The following RAC1 variants were observed in gnomAD, a reference collection of about 807,000 sequenced individuals.
RAC1 encodes the protein Rac family small GTPase 1, also known as ras-related C3 botulinum toxin substrate 1.
RAC1 carries 2 observed loss-of-function variants against 25.2 expected under a neutral mutation model. The ratio of observed to expected loss-of-function variants is 0.08; its 90% CI spans 0.03 to 0.25. The LOEUF (loss-of-function observed/expected upper bound fraction) is 0.25, where lower values mean the gene tolerates loss of function less well. Ranked by LOEUF, RAC1 falls within the 10% of genes least tolerant of loss-of-function variation. The pLI is 1.00. For missense variants in RAC1, 50 were observed against 235.7 expected (o/e 0.21, Z 5.16); for synonymous variants, 88 against 94.0 (o/e 0.94, Z 0.37).
At chr7:6,384,802 T>A (rs565043826) in intron 1 of RAC1, among the ~76,000 whole-genome samples, 6 of 152,214 alleles carry the variant, frequency 3.9e-5, no homozygotes, top group East Asian at 1.9e-4. Context: ...TTTTTTAATT[T>A]AAAAAAATTT....
At chr7:6,381,943 A>C (rs185716171) in intron 1 of RAC1, among the ~76,000 whole-genome samples, 5 of 152,272 alleles carry the variant, frequency 3.3e-5, no homozygotes, top group South Asian at 4.1e-4. Flanking sequence ...AAGTAGGAAT[A>C]TATATTTGAC....
chr7:6,400,222 T>C (rs761439799), intron 4 of RAC1, 34 bp downstream of exon 4: 14 of 1,522,300 alleles, frequency 9.2e-6, no homozygotes, highest in South Asian at 1.1e-5. Flanking sequence ...ATGTAAGTTA[T>C]AGAATGATCC....
chr7:6,388,874 G>A (rs1195403270), intron 2 of RAC1, among the ~76,000 whole-genome samples: 5 of 152,080 alleles, frequency 3.3e-5, no homozygotes, highest in African/African-American at 7.2e-5. Flanking sequence ...AAGCAAAATC[G>A]TGCCAAATCA....
intron 1 of RAC1, among the ~76,000 whole-genome samples, chr7:6,383,131 A>G (rs1272580119): frequency 6.6e-6 from 1 of 152,176 alleles, no homozygotes; most frequent in Non-Finnish European, 1.5e-5. Flanking sequence ...TAAAGTTAGA[A>G]ATTCCAAAGA....
At position 6,402,536 on chromosome 7, in the gene RAC1, A is replaced by AAAAAC. The variant is rs2115220104; in HGVS notation, c.*91_*92insAAACA. 15 of 947,892 alleles carry AAAAAC rather than the reference A, an allele frequency of 1.6e-5. No individual in the cohort carries two copies. The highest frequency in any genetic ancestry group is 1.0e-4 in the East Asian group (2 of 19,624). The allele number at this position is 947,892 out of a possible 1,614,324, so 58.7% of individuals were successfully genotyped here. On this transcript the variant is annotated 3_prime_UTR_variant, in exon 6 of 6. Coordinates refer to ENST00000348035, the MANE Select transcript of RAC1 (RefSeq NM_006908.5). ...ACAAAAAAAAAAAACAAAAAAAAAA[A>AAAAAC]ACAACGGTGGAGCCTTCGCACTCAA...
chr7:6,398,589 G>A (rs2115211779), intron 3 of RAC1: 3 of 1,300,456 alleles, frequency 2.3e-6, no homozygotes, highest in Non-Finnish European at 3.3e-6. Context: ...ATAAAGAATC[G>A]ATAAGAGGTT....
chr7:6,399,691 G>A (rs1484761429), intron 3 of RAC1: 2 of 160,476 alleles, frequency 1.2e-5, no homozygotes, highest in African/African-American at 4.8e-5. Context: ...GCTTGGTGCT[G>A]GGAGCTGTGA....
intron 3 of RAC1, among the ~76,000 whole-genome samples, chr7:6,399,650 A>G (rs1014370397): frequency 2.0e-5 from 3 of 152,192 alleles, no homozygotes; most frequent in African/African-American, 7.2e-5. Flanking sequence ...TTGTGGAGGG[A>G]AGGGCTCAAG....
rs182595197 is a variant in RAC1 at position 6,398,749 on chromosome 7, C to G, written c.226-1377C>G. On this transcript the variant is annotated intron_variant, in intron 3 of 5. Coordinates refer to ENST00000348035, the MANE Select transcript of RAC1 (RefSeq NM_006908.5). ...TAAAACTTTCAGTCCACTTCAGTTT[C>G]AAGCTTTCTCTGTTCTCTCATTTCA... is the stretch of plus-strand genomic sequence containing the variant. The G allele has an allele frequency of 2.7e-4, 427 of 1,597,764 alleles. 3 individuals are homozygous for G. The Middle Eastern group carries it at 0.011, about 40-fold the overall frequency.
chr7:6,391,897 A>C, intron 2 of RAC1, 27 bp from the exon 3 acceptor site: 1 of 1,613,930 alleles, frequency 6.2e-7, no homozygotes, highest in Non-Finnish European at 8.5e-7. Context: ...TACACCTGTG[A>C]CTAACCATTT....
chr7:6,380,500 TTCTG>T (rs1398594596), intron 1 of RAC1, among the ~76,000 whole-genome samples: 2 of 152,130 alleles, frequency 1.3e-5, no homozygotes, highest in African/African-American at 2.4e-5. Flanking sequence ...CTTTATAACT[TTCTG>T]TCTTTTTGCA....
chr7:6,376,511 T>G (rs1247689450), intron 1 of RAC1, among the ~76,000 whole-genome samples: 1 of 147,466 alleles, frequency 6.8e-6, no homozygotes, highest in East Asian at 2.0e-4. Flanking sequence ...CTTTTCTTTT[T>G]TTTTTTTTTG....
intron 4 of RAC1, 43 bp from the exon 5 acceptor site, chr7:6,401,825 G>A (rs1783411689): frequency 6.3e-7 from 1 of 1,585,104 alleles, no homozygotes; most frequent in Non-Finnish European, 8.6e-7. Context: ...AAGGACATCT[G>A]TAAAGGAGCG....
intron 2 of RAC1, 130 bp downstream of exon 2, chr7:6,387,413 T>C (rs1297259290): frequency 1.5e-6 from 1 of 679,846 alleles, no homozygotes; most frequent in Non-Finnish European, 2.5e-6. Flanking sequence ...AAACATTCAC[T>C]GAAACCTAAT....
At chr7:6,389,631 G>A (rs1021467233) in intron 2 of RAC1, among the ~76,000 whole-genome samples, 2 of 152,022 alleles carry the variant, frequency 1.3e-5, no homozygotes, top group Admixed American at 6.6e-5. Flanking sequence ...AGTGAGCCAA[G>A]ATTGTGCCTC....
At chr7:6,398,665 G>C in intron 3 of RAC1, 1 of 1,613,784 alleles carries the variant, frequency 6.2e-7, no homozygotes, top group Non-Finnish European at 8.5e-7. Context: ...TTACTAGGTT[G>C]GAGAAACGTA....
intron 1 of RAC1, among the ~76,000 whole-genome samples, chr7:6,381,390 CT>C (rs71008386): frequency 0.15 from 20,410 of 132,108 alleles, 2,145 homozygotes; most frequent in African/African-American, 0.31. Context: ...TAATTGCTGG[CT>C]TTTTTTTTTT....
chr7:6,399,844 C>T, intron 3 of RAC1: 1 of 420,408 alleles, frequency 2.4e-6, no homozygotes, highest in Non-Finnish European at 4.3e-6. Flanking sequence ...GTAAAGGAAG[C>T]CTCCTGAGGG....
At chr7:6,395,377 A>T in intron 3 of RAC1, among the ~76,000 whole-genome samples, 1 of 152,196 alleles carries the variant, frequency 6.6e-6, no homozygotes, top group Admixed American at 6.5e-5. Flanking sequence ...AGCTTTTGTG[A>T]GGTTGGCTGT....
Sources: allele counts gnomAD v4.1 joint callset (sites outside exome capture counted in the v4.1 genomes callset), GRCh38; gene constraint gnomAD v4.1.1; transcripts MANE v1.5; gene names NCBI Gene and HGNC (gene_info 2026-07-23, HGNC 2026-07-21).